Variants in RASAL1 observed in about 807,000 individuals in gnomAD.
RASAL1 encodes the protein rasGAP-activating-like protein 1.
Under a neutral mutation model 96.6 loss-of-function variants are expected in RASAL1, and 72 were observed. That is an observed-to-expected ratio of 0.75 (90% CI 0.62 to 0.91). RASAL1 has a LOEUF of 0.91. RASAL1 is among the 40% of genes least tolerant of loss of function. The pLI is 0.00. For synonymous variants in RASAL1, 405 were observed against 430.4 expected (o/e 0.94, Z 0.73); for missense variants, 1,016 against 1,072.5 (o/e 0.95, Z 0.74).
At chr12:113,114,577 T>C (rs974097644) in intron 12 of RASAL1, among the ~76,000 whole-genome samples, 2 of 152,034 alleles carry the variant, frequency 1.3e-5, no homozygotes, top group South Asian at 2.1e-4. Flanking sequence ...AAAGCTAAGA[T>C]TTGAACCCAG....
intron 12 of RASAL1, among the ~76,000 whole-genome samples, chr12:113,113,241 C>G (rs1482688798): frequency 6.6e-6 from 1 of 152,170 alleles, no homozygotes; most frequent in African/African-American, 2.4e-5. Flanking sequence ...CGTGCTGAGC[C>G]CTGGACTTGT....
At chr12:113,128,727 A>G (rs1302223731) in intron 2 of RASAL1, among the ~76,000 whole-genome samples, 2 of 152,192 alleles carry the variant, frequency 1.3e-5, no homozygotes. Context: ...ACACATAAGC[A>G]GATACACATA....
In RASAL1 at chr12:113,135,572, C is replaced by T. The variant is rs1427407387; in HGVS notation, c.-110G>A. On this transcript the variant is annotated 5_prime_UTR_variant, in exon 1 of 21. Coordinates refer to ENST00000548055, the MANE Select transcript of RASAL1 (RefSeq NM_001301202.2). The surrounding 1 kb of genome is among the most constrained non-coding windows in gnomAD (Gnocchi z 5.7). ...AGCCTGGCTCCCTGCCTCGTGGTCC[C>T]AGTGCCGCCTGTCCGAGACCCGGGT... is the stretch of plus-strand genomic sequence containing the variant. The T allele has an allele frequency of 2.2e-6, 2 of 916,990 alleles. No individual in the cohort carries two copies. Among genetic ancestry groups the T allele is most frequent in the Non-Finnish European group, 3.4e-6 (2 of 593,132 alleles). The allele number at this position is 916,990 out of a possible 1,614,324, so 56.8% of individuals were successfully genotyped here.
At chr12:113,132,897 C>T (rs1490753386) in intron 1 of RASAL1, among the ~76,000 whole-genome samples, 1 of 152,206 alleles carries the variant, frequency 6.6e-6, no homozygotes. Context: ...CCTCTTCTGG[C>T]TCCATCCCAA....
intron 4 of RASAL1, among the ~76,000 whole-genome samples, chr12:113,122,569 C>T (rs2136218181): frequency 6.6e-6 from 1 of 152,120 alleles, no homozygotes; most frequent in East Asian, 1.9e-4. Context: ...AAGCCATCTG[C>T]CTGCCTTGGC....
At chr12:113,114,613 A>G (rs1174620542) in intron 12 of RASAL1, among the ~76,000 whole-genome samples, 187 bp downstream of exon 12, 1 of 152,214 alleles carries the variant, frequency 6.6e-6, no homozygotes, top group African/African-American at 2.4e-5. Context: ...AGTCCTGACC[A>G]TAACCCCTAT....
At chr12:113,102,084 A>G in intron 18 of RASAL1, 75 bp from the exon 19 acceptor site, 1 of 1,541,452 alleles carries the variant, frequency 6.5e-7, no homozygotes, top group Non-Finnish European at 8.8e-7. Context: ...GCATTCGCCA[A>G]GCCGTGCTCC....
chr12:113,102,144 G>T lies in RASAL1; in HGVS notation c.2105-135C>A, dbSNP rs139689700. Reference sequence around the variant, plus strand: ...AACCTACTACTTCTAGGCCACACACGGTGGCTCATGCCTGTAATCTCAGCA... The same window carrying T: ...AACCTACTACTTCTAGGCCACACACTGTGGCTCATGCCTGTAATCTCAGCA... On this transcript the variant is annotated intron_variant, in intron 18 of 20. Transcript: ENST00000548055. 5 of 1,083,720 alleles carry T rather than the reference G, an allele frequency of 4.6e-6. No individual in the cohort carries two copies. In the African/African-American group the frequency reaches 7.9e-5, roughly 17 times the overall value. 67.1% of individuals were successfully genotyped at this position (1,083,720 alleles called of 1,614,324 possible).
At chr12:113,114,510 A>T (rs1017713108) in intron 12 of RASAL1, among the ~76,000 whole-genome samples, 10 of 151,986 alleles carry the variant, frequency 6.6e-5, no homozygotes, top group African/African-American at 2.2e-4. Flanking sequence ...AAAAGAAAAG[A>T]AGCAACTTAA....
chr12:113,131,461 TC>T (rs1566074143), intron 1 of RASAL1, among the ~76,000 whole-genome samples: 1 of 152,116 alleles, frequency 6.6e-6, no homozygotes, highest in Admixed American at 6.5e-5. Flanking sequence ...TAATGCTGTG[TC>T]CCCAGCTTTT....
At chr12:113,102,918 C>G (rs1197967754) in intron 18 of RASAL1, 1 of 164,376 alleles carries the variant, frequency 6.1e-6, no homozygotes. Flanking sequence ...GCTCATGACA[C>G]CTGCAACACT....
Position 113,099,701 on chromosome 12 carries a change from T to C in RASAL1, c.*228A>G, listed in dbSNP as rs1177954005. On this transcript the variant is annotated 3_prime_UTR_variant, in exon 21 of 21. Transcript: ENST00000548055. Reference sequence around the variant, plus strand: ...GTTCCTTATCCTATCCACTCCAGTCTGAATCAAGCCAGAGGGCAAGTTTCA... The same window carrying C: ...GTTCCTTATCCTATCCACTCCAGTCCGAATCAAGCCAGAGGGCAAGTTTCA... 2 of 471,938 alleles carry C rather than the reference T, an allele frequency of 4.2e-6. No individual in the cohort carries two copies. The highest frequency in any genetic ancestry group is 7.2e-6 in the Non-Finnish European group (2 of 278,448). 29.2% of individuals were successfully genotyped at this position (471,938 alleles called of 1,614,324 possible). A position where few individuals can be genotyped will look rare whatever the true frequency, so the allele number is the denominator to read the frequency against.
intron 1 of RASAL1, among the ~76,000 whole-genome samples, chr12:113,131,801 G>C (rs1951720140): frequency 2.6e-5 from 4 of 152,130 alleles, no homozygotes; most frequent in Admixed American, 2.6e-4. Flanking sequence ...TGCACCTGCT[G>C]TTCCCTTTGC....
At chr12:113,106,789 T>A (rs930062715) in intron 15 of RASAL1, among the ~76,000 whole-genome samples, 1 of 152,216 alleles carries the variant, frequency 6.6e-6, no homozygotes, top group African/African-American at 2.4e-5. Context: ...CACTGCTGCA[T>A]CCCCAGCACC....
rs1045422629 is a variant in RASAL1 at position 113,099,971 on chromosome 12, C to G, written c.2376G>C (p.Gln792His). ...DLDRAHEEFQ[Q>H]QERGKAALGP... ...CCAGGGCCGCCTTCCCTCGCTCCTG[C>G]TGCTGGAACTCCTCGTGGGCACGAT... is the stretch of plus-strand genomic sequence containing the variant. The change falls in exon 21 of 21, where the codon CAG becomes CAC. Residue 792 changes from glutamine (Q) to histidine (H), a missense_variant. Physicochemically the swap from Gln to His is conservative, Grantham distance 24. Coordinates refer to ENST00000548055, the MANE Select transcript of RASAL1 (RefSeq NM_001301202.2). 1 of 1,613,698 alleles carries G rather than the reference C, an allele frequency of 6.2e-7. No individual in the cohort carries two copies. Among genetic ancestry groups the G allele is most frequent in the South Asian group, 1.1e-5 (1 of 91,058 alleles).
Position 113,121,493 on chromosome 12 carries a change from T to A in RASAL1, c.428+16A>T. The A allele has an allele frequency of 6.2e-7, 1 of 1,613,856 alleles. No homozygotes were observed. The highest frequency in any genetic ancestry group is 8.5e-7 in the Non-Finnish European group (1 of 1,179,856). ...TTCTCAGACCACCCTCCACACCACC[T>A]CCACCTTAAGCATACCTGGCCTGAA... On this transcript the variant is annotated intron_variant, in intron 5 of 20. Coordinates refer to ENST00000548055, the MANE Select transcript of RASAL1 (RefSeq NM_001301202.2).
rs1431272569 is a variant in RASAL1, at chr12:113,115,910, G to A, written c.849+24C>T. 1.9e-6 allele frequency: 3 copies of A among 1,583,232 alleles called. No homozygotes were observed. The highest frequency in any genetic ancestry group is 2.6e-6 in the Non-Finnish European group (3 of 1,162,152). On this transcript the variant is annotated intron_variant, in intron 9 of 20. Coordinates refer to ENST00000548055, the MANE Select transcript of RASAL1 (RefSeq NM_001301202.2). This position sits in a 1 kb window ranked among gnomAD's most constrained non-coding sequence, Gnocchi z 4.1. ...CCAGACCCCCGGCACCCGCCTGATA[G>A]CATTGCTTGCCTGACGCACCCACCT... is the stretch of plus-strand genomic sequence containing the variant.
rs1241673691 is a variant in RASAL1 at position 113,135,157 on chromosome 12, C to T, written c.65+241G>A. Among the ~76,000 whole-genome samples, 1 of 152,142 alleles carries T rather than the reference C, an allele frequency of 6.6e-6. No individual in the cohort carries two copies. The highest frequency in any genetic ancestry group is 1.5e-5 in the Non-Finnish European group (1 of 68,016). ...CTTTAGTACATCCCGGGAACAAAGA[C>T]ACCCCCTCCCCTGCCCGGGGGTGAG... On this transcript the variant is annotated intron_variant, in intron 1 of 20. Coordinates refer to ENST00000548055, the MANE Select transcript of RASAL1 (RefSeq NM_001301202.2). This position sits in a 1 kb window ranked among gnomAD's most constrained non-coding sequence, Gnocchi z 5.7.
At position 113,115,201 on chromosome 12, in the gene RASAL1, T is replaced by G. The variant is rs776546854; in HGVS notation, c.1067A>C (p.Lys356Thr). Residue 356 changes from lysine to threonine, a missense_variant and splice_region_variant, in exon 11 of 21, where the codon AAG (lysine) becomes ACG (threonine). By Grantham distance (78) the Lys-to-Thr change is moderately conservative. Coordinates refer to ENST00000548055, the MANE Select transcript of RASAL1 (RefSeq NM_001301202.2). This position sits in a 1 kb window ranked among gnomAD's most constrained non-coding sequence, Gnocchi z 4.1. ...LASKSMEQFM[K>T]LVGMPYLHEV... ...TCCCGCAGGCCTTCACCTACTCACC[T>G]TCATAAACTGTTCCATCGACTTGGA... The G allele has an allele frequency of 6.2e-7, 1 of 1,613,058 alleles. No individual in the cohort carries two copies. The highest frequency in any genetic ancestry group is 1.1e-5 in the South Asian group (1 of 91,050).
Sources: allele counts gnomAD v4.1 joint callset (sites outside exome capture counted in the v4.1 genomes callset), GRCh38; gene constraint gnomAD v4.1.1; non-coding constraint Gnocchi (gnomAD v3.1); transcripts MANE v1.5; gene names NCBI Gene and HGNC (gene_info 2026-07-23, HGNC 2026-07-21).